Variants in PICALM observed in about 807,000 individuals in gnomAD.
PICALM encodes phosphatidylinositol binding clathrin assembly protein.
PICALM carries 40 observed loss-of-function variants against 80.5 expected under a neutral mutation model. The ratio of observed to expected loss-of-function variants is 0.50; its 90% CI spans 0.39 to 0.65. The LOEUF is 0.65. Among genes scored for constraint, PICALM ranks in the 30% least tolerant of loss-of-function variants. The pLI, the probability that PICALM is intolerant of heterozygous loss-of-function variation, is 0.00. For missense variants in PICALM, 676 were observed against 778.9 expected, an observed-to-expected ratio of 0.87 and a Z score of 1.57; for synonymous variants, 288 against 260.3, an observed-to-expected ratio of 1.11 and a Z score of -1.02.
chr11:86,006,499 T>A (rs185670938), intron 8 of PICALM, among the ~76,000 whole-genome samples: 308 of 152,134 alleles, frequency 2.0e-3, no homozygotes, highest in African/African-American at 7.1e-3. Flanking sequence ...ATACGAAAAT[T>A]AGCTGGGCGT....
chr11:86,054,764 G>A (rs926976438), intron 1 of PICALM, among the ~76,000 whole-genome samples: 48 of 152,100 alleles, frequency 3.2e-4, no homozygotes, highest in Admixed American at 3.1e-3. Context: ...TTTAAGGTAA[G>A]AATCAAGTGT....
At chr11:86,020,059 A>C (rs546914642) in intron 4 of PICALM, among the ~76,000 whole-genome samples, 1 of 152,196 alleles carries the variant, frequency 6.6e-6, no homozygotes, top group African/African-American at 2.4e-5. Flanking sequence ...AAAAATCTGC[A>C]TATCAGGTGT....
At chr11:85,962,286 G>C (rs1028900455) in intron 19 of PICALM, among the ~76,000 whole-genome samples, 3 of 152,152 alleles carry the variant, frequency 2.0e-5, no homozygotes, top group African/African-American at 4.8e-5. Flanking sequence ...GAGCTGGAGG[G>C]AGTCCAACAT....
intron 8 of PICALM, among the ~76,000 whole-genome samples, chr11:86,004,443 T>G (rs2095232667): frequency 6.6e-6 from 1 of 152,060 alleles, no homozygotes; most frequent in Admixed American, 6.6e-5. Context: ...AAATAGAATT[T>G]TCCTATCTTG....
intron 5 of PICALM, among the ~76,000 whole-genome samples, chr11:86,014,103 G>T (rs1182537858): frequency 6.6e-6 from 1 of 152,164 alleles, no homozygotes; most frequent in African/African-American, 2.4e-5. Context: ...CACTTACTAT[G>T]TGCCACATTA....
intron 1 of PICALM, among the ~76,000 whole-genome samples, chr11:86,038,256 G>A (rs1307815082): frequency 2.0e-5 from 3 of 152,070 alleles, no homozygotes; most frequent in African/African-American, 7.2e-5. Context: ...GGAGGCGGAG[G>A]TAAAAGGAAG....
chr11:86,000,745 T>A lies in PICALM; in HGVS notation c.1052A>T (p.His351Leu). ...AGAGGCTGCAGTTGTTAAAGAGGTA[T>A]GAGGTTTCTTTGCAAGTTCTTTTAG... ...QRLKELAKKPHTSLTTAASPV... is the reference protein window; with the variant it reads ...QRLKELAKKPLTSLTTAASPV... Residue 351 changes from histidine to leucine, a missense_variant, in exon 11 of 20, where the codon CAT becomes CTT. Coordinates refer to ENST00000393346, the MANE Select transcript of PICALM (RefSeq NM_007166.4). 6.2e-7 allele frequency: 1 copy of A among 1,613,098 alleles called. No homozygotes were observed. The highest frequency in any genetic ancestry group is 8.5e-7 in the Non-Finnish European group (1 of 1,179,882).
rs571823109 is a variant in PICALM at position 86,015,095 on chromosome 11, T to C, written c.453-132A>G. ...AATGTCACATATTTTTAAGTCATTA[T>C]GGAACATGAAAACTGAAGCAGAGAT... On this transcript the variant is annotated intron_variant, in intron 4 of 19. Coordinates refer to ENST00000393346, the MANE Select transcript of PICALM (RefSeq NM_007166.4). The C allele has an allele frequency of 6.9e-5, 42 of 606,190 alleles. No homozygotes were observed. In the Middle Eastern group the frequency reaches 1.0e-3, roughly 15 times the overall value. 37.6% of individuals were successfully genotyped at this position (606,190 alleles called of 1,614,324 possible).
intron 12 of PICALM, among the ~76,000 whole-genome samples, chr11:85,993,381 C>G (rs937797939): frequency 6.6e-6 from 1 of 151,890 alleles, no homozygotes; most frequent in Non-Finnish European, 1.5e-5. Flanking sequence ...CCACTGCACC[C>G]AGTCTAAAAT....
Position 85,999,097 on chromosome 11 carries a change from T to C in PICALM, c.1154+1546A>G, listed in dbSNP as rs547979676. Among the ~76,000 whole-genome samples the C allele has an allele frequency of 1.8e-4, 27 of 152,356 alleles. No homozygotes were observed. In the South Asian group the frequency reaches 2.7e-3, roughly 15 times the overall value. The stretch of plus-strand genomic sequence containing the variant: ...TCATCATTTCTCTGTGTTGAGAACA[T>C]TCTAAATCTTCTAGCTACTTTGATA... On this transcript the variant is annotated intron_variant, in intron 11 of 19. Coordinates refer to ENST00000393346, the MANE Select transcript of PICALM (RefSeq NM_007166.4).
chr11:86,011,721 A>C (rs1483973002), intron 6 of PICALM, among the ~76,000 whole-genome samples: 1 of 152,136 alleles, frequency 6.6e-6, no homozygotes, highest in Non-Finnish European at 1.5e-5. Context: ...AACAGATTTA[A>C]ATTTTTTAAA....
intron 3 of PICALM, 90 bp from the exon 4 acceptor site, chr11:86,022,559 C>T (rs1307073188): frequency 1.6e-6 from 1 of 633,588 alleles, no homozygotes; most frequent in Non-Finnish European, 2.7e-6. Flanking sequence ...AAAAACAACT[C>T]ATTGCATCCA....
intron 13 of PICALM, among the ~76,000 whole-genome samples, chr11:85,987,046 C>G (rs947067717): frequency 6.6e-6 from 1 of 152,112 alleles, no homozygotes; most frequent in African/African-American, 2.4e-5. Flanking sequence ...TTCCAAACAC[C>G]TTTTACAAAA....
intron 19 of PICALM, chr11:85,969,662 T>C (rs1333119450): frequency 3.8e-5 from 16 of 422,932 alleles, no homozygotes; most frequent in East Asian, 7.6e-5. Flanking sequence ...AAAAACCTTA[T>C]CTAGTTCAAA....
chr11:86,049,301 A>T (rs564267650), intron 1 of PICALM, among the ~76,000 whole-genome samples: 1 of 152,178 alleles, frequency 6.6e-6, no homozygotes, highest in African/African-American at 2.4e-5. Flanking sequence ...ACAAAAAAAA[A>T]CATAAATCAG....
At chr11:86,057,699 A>T (rs1396322486) in intron 1 of PICALM, among the ~76,000 whole-genome samples, 1 of 152,250 alleles carries the variant, frequency 6.6e-6, no homozygotes, top group Admixed American at 6.5e-5. Context: ...TCTACTGAAC[A>T]TGCGCAGACA....
At chr11:86,045,143 TTAATA>T (rs768332529) in intron 1 of PICALM, among the ~76,000 whole-genome samples, 5 of 152,190 alleles carry the variant, frequency 3.3e-5, no homozygotes, top group Non-Finnish European at 7.3e-5. Flanking sequence ...TAATACATTA[TTAATA>T]TATCACTATA....
intron 1 of PICALM, among the ~76,000 whole-genome samples, chr11:86,053,919 T>G (rs2096231431): frequency 6.6e-6 from 1 of 152,134 alleles, no homozygotes; most frequent in Admixed American, 6.5e-5. Flanking sequence ...AATGCACAAG[T>G]GACAATATAT....
chr11:86,033,444 T>C (rs2095794089), intron 1 of PICALM, among the ~76,000 whole-genome samples: 1 of 152,174 alleles, frequency 6.6e-6, no homozygotes, highest in Admixed American at 6.6e-5. Context: ...AGGTGTTTGG[T>C]ACTGTTGTTC....
Sources: gnomAD v4.1 joint callset for allele counts (sites outside exome capture counted in the v4.1 genomes callset) on GRCh38, gnomAD v4.1.1 for gene constraint, MANE v1.5 for transcripts, NCBI Gene and HGNC (gene_info 2026-07-23, HGNC 2026-07-21) for gene names.